Variants in NUP93 observed in about 807,000 individuals in gnomAD.
NUP93 encodes nucleoporin 93.
Under a neutral mutation model 107.8 loss-of-function variants are expected in NUP93, and 55 were observed. The ratio of observed to expected loss-of-function variants is 0.51; its 90% CI spans 0.41 to 0.64. The LOEUF (loss-of-function observed/expected upper bound fraction) is 0.64, where lower values mean the gene tolerates loss of function less well. NUP93 is among the 30% of genes least tolerant of loss of function. The pLI is 0.00. For synonymous variants in NUP93, 390 were observed against 397.5 expected (o/e 0.98, Z 0.22); for missense variants, 937 against 1,044.7 (o/e 0.90, Z 1.42).
intron 13 of NUP93, 41 bp downstream of exon 13, chr16:56,833,447 C>G: frequency 6.9e-7 from 1 of 1,458,018 alleles, no homozygotes; most frequent in Non-Finnish European, 9.0e-7. Flanking sequence ...GTAACCACAG[C>G]ACGTCCCCCT....
intron 3 of NUP93, among the ~76,000 whole-genome samples, chr16:56,784,890 G>A (rs1405081701): frequency 1.3e-5 from 2 of 152,142 alleles, no homozygotes; most frequent in African/African-American, 2.4e-5. Context: ...TTGGAAACTA[G>A]GGAGACAATG....
intron 3 of NUP93, among the ~76,000 whole-genome samples, chr16:56,796,758 C>T (rs1313386347): frequency 1.3e-5 from 2 of 152,018 alleles, no homozygotes; most frequent in Admixed American, 1.3e-4. Flanking sequence ...GCGGTTGGAT[C>T]ACAAGGTCAG....
At position 56,847,719 on chromosome 16, in the gene NUP93, G is replaced by C. The variant is rs1345298417; in HGVS notation, c.*3110G>C. 6.6e-6 allele frequency: 1 copy of C among 152,190 alleles called. No homozygotes were observed. The highest frequency in any genetic ancestry group is 1.9e-4 in the East Asian group (1 of 5,192). The allele number at this position is 152,190 out of a possible 1,614,324, so 9.4% of individuals were successfully genotyped here. On this transcript the variant is annotated 3_prime_UTR_variant, in exon 22 of 22. Transcript: ENST00000308159. ...GAAACTGGTGAGCTCTGCCACGGCA[G>C]ATGCCTTCCTTTTTCACTCACGAGC...
chr16:56,779,003 G>C (rs1962465553), intron 3 of NUP93, among the ~76,000 whole-genome samples: 1 of 152,128 alleles, frequency 6.6e-6, no homozygotes, highest in Non-Finnish European at 1.5e-5. Context: ...CAGGGACCCA[G>C]CTCTCCCAGC....
At chr16:56,801,116 T>C (rs560566286) in intron 4 of NUP93, among the ~76,000 whole-genome samples, 1 of 152,360 alleles carries the variant, frequency 6.6e-6, no homozygotes, top group South Asian at 2.1e-4. Flanking sequence ...TCTTGTCTAT[T>C]GAGTTTCTTC....
chr16:56,764,995 A>G (rs1962192151), intron 3 of NUP93, among the ~76,000 whole-genome samples: 1 of 152,248 alleles, frequency 6.6e-6, no homozygotes, highest in Non-Finnish European at 1.5e-5. Flanking sequence ...TGAAGTCCTT[A>G]AGAGTTGCAT....
chr16:56,832,146 T>C, intron 11 of NUP93, 139 bp downstream of exon 11: 10 of 1,252,578 alleles, frequency 8.0e-6, no homozygotes, highest in Non-Finnish European at 1.2e-5. Context: ...GTCCCCATTT[T>C]TTGTTGTGTA....
chr16:56,839,644 C>A, intron 20 of NUP93, 40 bp downstream of exon 20: 1 of 1,453,042 alleles, frequency 6.9e-7, no homozygotes, highest in South Asian at 1.1e-5. Context: ...TCCTTTTTCC[C>A]CACTTCCACC....
intron 3 of NUP93, among the ~76,000 whole-genome samples, chr16:56,791,046 A>C (rs370824860): frequency 4.6e-5 from 7 of 152,172 alleles, no homozygotes; most frequent in Non-Finnish European, 1.0e-4. Context: ...TGTATTGTAC[A>C]TATTAAAATG....
At chr16:56,740,559 G>T (rs1301524364) in intron 1 of NUP93, among the ~76,000 whole-genome samples, 4 of 151,262 alleles carry the variant, frequency 2.6e-5, no homozygotes, top group Non-Finnish European at 3.0e-5. Flanking sequence ...GCCAGGCAGA[G>T]GGGCTCCTCA....
rs151206074 is a variant in NUP93 at position 56,840,309 on chromosome 16, C to T, written c.2220+705C>T. On this transcript the variant is annotated intron_variant, in intron 20 of 21. Coordinates refer to ENST00000308159, the MANE Select transcript of NUP93 (RefSeq NM_014669.5). The stretch of plus-strand genomic sequence containing the variant: ...TGCTGGGATTACAGGCGTGAGCCAC[C>T]GTGCCCAGCCAATCCATTTTGTCTA... Among the ~76,000 whole-genome samples, 21 of 152,296 alleles carry T rather than the reference C, an allele frequency of 1.4e-4. 1 individual carries two copies. The highest frequency in any genetic ancestry group is 4.6e-4 in the African/African-American group (19 of 41,548).
rs12918087 is a variant in NUP93 at position 56,845,290 on chromosome 16, T to C, written c.*681T>C. 0.15 allele frequency: 22,681 copies of C among 153,016 alleles called. 1,965 individuals carry two copies. The highest frequency in any genetic ancestry group is 0.19 in the Non-Finnish European group (13,177 of 68,542). 9.5% of individuals were successfully genotyped at this position (153,016 alleles called of 1,614,324 possible). On this transcript the variant is annotated 3_prime_UTR_variant, in exon 22 of 22. Transcript: ENST00000308159. ...TTGCACTTGAGGAAGGGGTAAACCTTGCCACTGCACTCCTCTGTAGCTGCT... is the reference window on the plus strand; with the variant it reads ...TTGCACTTGAGGAAGGGGTAAACCTCGCCACTGCACTCCTCTGTAGCTGCT...
intron 4 of NUP93, among the ~76,000 whole-genome samples, chr16:56,804,108 A>C (rs1301879703): frequency 6.6e-6 from 1 of 152,180 alleles, no homozygotes; most frequent in African/African-American, 2.4e-5. Context: ...ACCCTTGTGC[A>C]CTGCAGGTAG....
At chr16:56,774,589 A>G (rs1374142306) in intron 3 of NUP93, among the ~76,000 whole-genome samples, 4 of 152,214 alleles carry the variant, frequency 2.6e-5, no homozygotes, top group African/African-American at 9.6e-5. Flanking sequence ...TATTTGAAAA[A>G]TGTATTAAAA....
chr16:56,784,637 A>T lies in NUP93; in HGVS notation c.298-13839A>T, dbSNP rs541880018. Among the ~76,000 whole-genome samples the T allele has an allele frequency of 2.9e-4, 44 of 152,330 alleles. No individual in the cohort carries two copies. In the East Asian group the frequency reaches 7.5e-3, roughly 26 times the overall value. On this transcript the variant is annotated intron_variant, in intron 3 of 21. Transcript: ENST00000308159. ...TTGTGTTTCTTTTAAAGGCTGAATA[A>T]TTTTTATCTTTTAAACCCTGAAGAA... is the stretch of plus-strand genomic sequence containing the variant.
At chr16:56,744,222 C>T (rs928638547) in intron 1 of NUP93, among the ~76,000 whole-genome samples, 1 of 152,098 alleles carries the variant, frequency 6.6e-6, no homozygotes, top group African/African-American at 2.4e-5. Flanking sequence ...CAATTTTTTT[C>T]CCCCATAGAT....
At chr16:56,802,937 T>G (rs188005242) in intron 4 of NUP93, among the ~76,000 whole-genome samples, 57 of 152,316 alleles carry the variant, frequency 3.7e-4, no homozygotes, top group Non-Finnish European at 6.6e-4. Context: ...TCTCAGATTT[T>G]TTTTGGTCAT....
chr16:56,748,299 G>C lies in NUP93; in HGVS notation c.52G>C (p.Ala18Pro), dbSNP rs1410179295. The change falls in exon 2 of 22, where the codon GCT becomes CCT. Residue 18 changes from alanine to proline, a missense_variant. Coordinates refer to ENST00000308159, the MANE Select transcript of NUP93 (RefSeq NM_014669.5). ...CCTTCAGCAAGCTGAACAGCTTGCT[G>C]CTGAGACTGAGGGCATCTCAGAGCT... ...ELLQQAEQLA[A>P]ETEGISELPH... 1.2e-6 allele frequency: 2 copies of C among 1,613,992 alleles called. No homozygotes were observed. Among genetic ancestry groups the C allele is most frequent in the African/African-American group, 1.3e-5 (1 of 75,026 alleles).
Position 56,834,264 on chromosome 16 carries a change from G to A in NUP93, c.1664+10G>A. The A allele has an allele frequency of 1.2e-6, 2 of 1,613,814 alleles. No individual in the cohort carries two copies. The highest frequency in any genetic ancestry group is 1.7e-6 in the Non-Finnish European group (2 of 1,179,724). ...ACTTCTATTTCCTCAGGTAACATTT[G>A]CTTTTGACCATTTACTTCAGCTAGT... On this transcript the variant is annotated intron_variant, in intron 14 of 21. Transcript: ENST00000308159.
Sources: gnomAD v4.1 joint callset for allele counts (sites outside exome capture counted in the v4.1 genomes callset) on GRCh38, gnomAD v4.1.1 for gene constraint, MANE v1.5 for transcripts, NCBI Gene and HGNC (gene_info 2026-07-23, HGNC 2026-07-21) for gene names.